Variants in ZFAND3 observed in about 807,000 individuals in gnomAD.
ZFAND3 encodes the protein zinc finger AN1-type containing 3.
Under a neutral mutation model 29.6 loss-of-function variants are expected in ZFAND3, and 10 were observed. The observed-to-expected ratio is 0.34, with a 90% confidence interval of 0.21 to 0.57. ZFAND3 has a LOEUF of 0.57. Among genes scored for constraint, ZFAND3 ranks in the 20% least tolerant of loss-of-function variants. The pLI is 0.86. For missense variants in ZFAND3, 230 were observed against 304.5 expected, an observed-to-expected ratio of 0.76 and a Z score of 1.82; for synonymous variants, 128 against 112.6, an observed-to-expected ratio of 1.14 and a Z score of -0.87.
chr6:37,887,268 C>T (rs1351676541), intron 1 of ZFAND3, among the ~76,000 whole-genome samples: 2 of 152,160 alleles, frequency 1.3e-5, no homozygotes, highest in African/African-American at 4.8e-5. Flanking sequence ...ATCAGAGTTA[C>T]TTCTCAGTTT....
At chr6:37,958,896 A>G (rs887226999) in intron 2 of ZFAND3, among the ~76,000 whole-genome samples, 2 of 152,184 alleles carry the variant, frequency 1.3e-5, no homozygotes, top group Admixed American at 6.5e-5. Flanking sequence ...ACTGGCCCCC[A>G]TTAATGTGTC....
At chr6:37,874,384 G>A (rs1240892362) in intron 1 of ZFAND3, among the ~76,000 whole-genome samples, 1 of 151,898 alleles carries the variant, frequency 6.6e-6, no homozygotes, top group Non-Finnish European at 1.5e-5. Context: ...GTGTGGTGGC[G>A]CATGCCTGTA....
chr6:38,104,504 A>G (rs1417575562), intron 4 of ZFAND3, among the ~76,000 whole-genome samples: 1 of 152,174 alleles, frequency 6.6e-6, no homozygotes, highest in Non-Finnish European at 1.5e-5. Flanking sequence ...TGAAGTCTTT[A>G]AAAATAACAT....
intron 3 of ZFAND3, among the ~76,000 whole-genome samples, chr6:38,077,816 T>TA (rs1764584232): frequency 6.6e-6 from 1 of 152,240 alleles, no homozygotes; most frequent in Non-Finnish European, 1.5e-5. Flanking sequence ...CGTGAAAGGC[T>TA]AAATGCAGCT....
chr6:38,141,928 C>T (rs1313288011), intron 5 of ZFAND3, among the ~76,000 whole-genome samples: 1 of 152,216 alleles, frequency 6.6e-6, no homozygotes, highest in Non-Finnish European at 1.5e-5. Flanking sequence ...TTCACAGGCA[C>T]GGTTTTCATT....
chr6:37,960,061 A>G (rs1762166001), intron 2 of ZFAND3, among the ~76,000 whole-genome samples: 1 of 152,256 alleles, frequency 6.6e-6, no homozygotes, highest in African/African-American at 2.4e-5. Context: ...CAGTATTTCA[A>G]GCAAGACCAC....
intron 2 of ZFAND3, among the ~76,000 whole-genome samples, chr6:38,025,338 A>C (rs1375944270): frequency 6.6e-6 from 1 of 152,226 alleles, no homozygotes; most frequent in Non-Finnish European, 1.5e-5. Flanking sequence ...CTTAATTAGA[A>C]GTGGTGGTTT....
chr6:38,106,080 A>G (rs544455764), intron 4 of ZFAND3, among the ~76,000 whole-genome samples: 2 of 152,232 alleles, frequency 1.3e-5, no homozygotes, highest in South Asian at 4.2e-4. Context: ...AGACTGTGAA[A>G]TGTTCTATTT....
chr6:37,932,674 C>T (rs1761621526), intron 2 of ZFAND3, among the ~76,000 whole-genome samples: 1 of 152,108 alleles, frequency 6.6e-6, no homozygotes, highest in Admixed American at 6.5e-5. Flanking sequence ...TAAATGAATA[C>T]AAAGTTAAAA....
chr6:37,897,402 T>G (rs1044316536), intron 1 of ZFAND3, among the ~76,000 whole-genome samples: 2 of 152,356 alleles, frequency 1.3e-5, no homozygotes, highest in Non-Finnish European at 2.9e-5. Flanking sequence ...CAGAACAGTT[T>G]ATGGATTTAT....
At chr6:38,120,578 G>C (rs141213722) in intron 5 of ZFAND3, among the ~76,000 whole-genome samples, 1 of 151,804 alleles carries the variant, frequency 6.6e-6, no homozygotes, top group African/African-American at 2.4e-5. Context: ...CACCTGCCTC[G>C]GCCTCCCAAA....
intron 2 of ZFAND3, among the ~76,000 whole-genome samples, chr6:37,944,183 A>G (rs1250760605): frequency 2.6e-5 from 4 of 152,182 alleles, no homozygotes; most frequent in Non-Finnish European, 5.9e-5. Flanking sequence ...TTTTAATTAA[A>G]ATTTTTATTT....
At position 37,928,304 on chromosome 6, in the gene ZFAND3, G is replaced by A. The variant is rs139522202; in HGVS notation, c.72-1655G>A. ...AACATAGTAAAGAGGGCAAAAGAAG[G>A]TTGGCTTATTCTATTTTTAGGGGCA... On this transcript the variant is annotated intron_variant, in intron 1 of 5. Coordinates refer to ENST00000287218, the MANE Select transcript of ZFAND3 (RefSeq NM_021943.3). 6.9e-3 allele frequency among the ~76,000 whole-genome samples: 1,056 copies of A among 152,256 alleles called. 7 individuals are homozygous for A. Among genetic ancestry groups the A allele is most frequent in the African/African-American group, 0.024 (977 of 41,548 alleles).
intron 5 of ZFAND3, among the ~76,000 whole-genome samples, chr6:38,128,176 G>A (rs1765672851): frequency 6.6e-6 from 1 of 152,172 alleles, no homozygotes; most frequent in African/African-American, 2.4e-5. Context: ...TTTTCTTTCA[G>A]ATCAATAATA....
chr6:38,042,313 C>CTTTT lies in ZFAND3; in HGVS notation c.113-19265_113-19262dup, dbSNP rs35136153. ...CACATATAACTCCTTCTTGAGCTTG[C>CTTTT]TTTTTTTTTTTTTTTTTTGAGATGG... On this transcript the variant is annotated intron_variant, in intron 2 of 5. Coordinates refer to ENST00000287218, the MANE Select transcript of ZFAND3 (RefSeq NM_021943.3). 8.9e-4 allele frequency among the ~76,000 whole-genome samples: 82 copies of CTTTT among 91,890 alleles called. 1 individual carries two copies. Among genetic ancestry groups the CTTTT allele is most frequent in the African/African-American group, 3.0e-3 (79 of 26,402 alleles). The allele number at this position is 91,890 out of a possible 152,430, so 60.3% of individuals were successfully genotyped here.
chr6:38,032,942 G>A (rs1763589275), intron 2 of ZFAND3, among the ~76,000 whole-genome samples: 1 of 152,144 alleles, frequency 6.6e-6, no homozygotes, highest in Non-Finnish European at 1.5e-5. Flanking sequence ...CAGAGTCCAT[G>A]TTGCTACTCT....
At chr6:38,068,987 T>C (rs569897625) in intron 3 of ZFAND3, among the ~76,000 whole-genome samples, 2 of 152,334 alleles carry the variant, frequency 1.3e-5, no homozygotes, top group East Asian at 1.9e-4. Context: ...ACAGATGTCC[T>C]TGCTAGACTG....
At chr6:38,085,340 C>G (rs1396601621) in intron 4 of ZFAND3, among the ~76,000 whole-genome samples, 1 of 152,120 alleles carries the variant, frequency 6.6e-6, no homozygotes, top group Non-Finnish European at 1.5e-5. Context: ...TGAGATCTTA[C>G]CTACCTCCTC....
intron 1 of ZFAND3, among the ~76,000 whole-genome samples, chr6:37,890,247 T>A (rs1357990899): frequency 1.3e-5 from 2 of 152,222 alleles, no homozygotes; most frequent in Non-Finnish European, 2.9e-5. Context: ...TAACATTTTT[T>A]AATTTTGTGT....
Sources: allele counts gnomAD v4.1 joint callset (sites outside exome capture counted in the v4.1 genomes callset), GRCh38; gene constraint gnomAD v4.1.1; transcripts MANE v1.5; gene names NCBI Gene and HGNC (gene_info 2026-07-23, HGNC 2026-07-21).